Variants in CRYM observed in about 807,000 individuals in gnomAD.
CRYM encodes crystallin mu, also known as ketimine reductase mu-crystallin.
In CRYM, 18 loss-of-function variants were observed where a neutral mutation model predicts 32.9. The observed-to-expected ratio is 0.55, with a 90% CI of 0.38 to 0.81. The LOEUF (loss-of-function observed/expected upper bound fraction) is 0.81. Ranked by LOEUF, CRYM falls within the 30% of genes least tolerant of loss-of-function variation. CRYM has a pLI of 0.00. For missense variants in CRYM, 337 were observed against 393.5 expected, an observed-to-expected ratio of 0.86 and a Z score of 1.21; for synonymous variants, 153 against 152.4, an observed-to-expected ratio of 1.00 and a Z score of -0.03.
rs116297386 is a variant in CRYM, at chr16:21,269,317, A to T, written c.489+473T>A. On this transcript the variant is annotated intron_variant, in intron 4 of 7. Transcript: ENST00000572914. ...AATAACAATAGCATCAAAAATTCCC[A>T]GGGGGAAGCATGAGACGCAGTGGGG... Among the ~76,000 whole-genome samples, 1,072 of 152,134 alleles carry T rather than the reference A, an allele frequency of 7.0e-3. 12 individuals carry two copies. The highest frequency in any genetic ancestry group is 0.025 in the African/African-American group (1,027 of 41,494).
At chr16:21,294,688 C>CTTTT (rs372808041) in intron 1 of CRYM, among the ~76,000 whole-genome samples, 1 of 137,392 alleles carries the variant, frequency 7.3e-6, no homozygotes. Context: ...GATCTCATTC[C>CTTTT]TTTTTTTTTT....
Position 21,266,759 on chromosome 16 carries a change from C to A in CRYM, c.673+795G>T, listed in dbSNP as rs185133612. Among the ~76,000 whole-genome samples, 109 of 152,246 alleles carry A rather than the reference C, an allele frequency of 7.2e-4. No homozygotes were observed. In the East Asian group the frequency reaches 0.021, roughly 29 times the overall value. Reference sequence around the variant, plus strand: ...CTCATACTTGTAATCAGTCGCAGCACTTTGGGAGGCTGAAGTGGGTAGAGT... The same window carrying A: ...CTCATACTTGTAATCAGTCGCAGCAATTTGGGAGGCTGAAGTGGGTAGAGT... On this transcript the variant is annotated intron_variant, in intron 5 of 7. Transcript: ENST00000572914.
chr16:21,299,153 C>T (rs998846338), intron 1 of CRYM, among the ~76,000 whole-genome samples: 13 of 152,096 alleles, frequency 8.5e-5, no homozygotes, highest in African/African-American at 2.9e-4. Context: ...TGTTATTAAT[C>T]TTGTTCTTAT....
chr16:21,284,253 A>G (rs977081955), intron 1 of CRYM: 5 of 152,064 alleles, frequency 3.3e-5, no homozygotes, highest in African/African-American at 1.2e-4. Context: ...GCGTCTCATC[A>G]GTAATGCAGA....
chr16:21,278,282 C>G lies in CRYM; in HGVS notation c.-31G>C, dbSNP rs1378051482. 1.3e-6 allele frequency: 2 copies of G among 1,568,084 alleles called. No individual in the cohort carries two copies. The highest frequency in any genetic ancestry group is 8.6e-7 in the Non-Finnish European group (1 of 1,163,138). ...CACCTGTGCCTTCTAACCTCAGTCT[C>G]CGCACCGCGATCCACGTACCCTCGG... On this transcript the variant is annotated 5_prime_UTR_variant, in exon 1 of 8. Transcript: ENST00000572914.
At chr16:21,279,685 G>A (rs1221174581), upstream of CRYM, among the ~76,000 whole-genome samples, 1 of 152,184 alleles carries the variant, frequency 6.6e-6, no homozygotes, top group African/African-American at 2.4e-5. Context: ...GCAGAGCCTG[G>A]GAGAAGGTCA....
chr16:21,300,286 G>C (rs1960879399), intron 1 of CRYM: 1 of 152,180 alleles, frequency 6.6e-6, no homozygotes, highest in Admixed American at 6.5e-5. Flanking sequence ...GAGTGGGGGA[G>C]TGGAGGAGAG....
intron 7 of CRYM, 25 bp downstream of exon 7, chr16:21,261,229 G>T: frequency 6.3e-7 from 1 of 1,588,900 alleles, no homozygotes; most frequent in African/African-American, 1.3e-5. Flanking sequence ...AGTTGGATTT[G>T]TGCCCAGGGA....
chr16:21,281,231 T>C (rs2093397700), upstream of CRYM, among the ~76,000 whole-genome samples: 1 of 151,390 alleles, frequency 6.6e-6, no homozygotes, highest in African/African-American at 2.4e-5. Context: ...TCTATATAGA[T>C]ATGTATATAT....
intron 1 of CRYM, among the ~76,000 whole-genome samples, chr16:21,287,724 G>A (rs2093409809): frequency 6.6e-6 from 1 of 152,228 alleles, no homozygotes; most frequent in Admixed American, 6.5e-5. Flanking sequence ...ACCCATCGGT[G>A]TGCTGGGAGG....
At chr16:21,266,117 C>T (rs9938449) in intron 5 of CRYM, among the ~76,000 whole-genome samples, 23,692 of 151,964 alleles carry the variant, frequency 0.16, 1,878 homozygotes, top group East Asian at 0.21. Context: ...CTCAGCTACT[C>T]GGCAGGCTGA....
At chr16:21,298,380 A>G (rs1176796602) in intron 1 of CRYM, among the ~76,000 whole-genome samples, 1 of 152,246 alleles carries the variant, frequency 6.6e-6, no homozygotes, top group Non-Finnish European at 1.5e-5. Context: ...TCAAACACTA[A>G]AAACAACCCG....
upstream of CRYM, chr16:21,278,303 C>T: frequency 1.3e-6 from 2 of 1,543,620 alleles, no homozygotes; most frequent in Non-Finnish European, 1.7e-6. Flanking sequence ...TCCACGTACC[C>T]TCGGCTGTGC....
upstream of CRYM, among the ~76,000 whole-genome samples, chr16:21,279,393 A>G (rs2093394204): frequency 6.6e-6 from 1 of 152,206 alleles, no homozygotes; most frequent in Admixed American, 6.5e-5. Flanking sequence ...CTAATCATTA[A>G]GCTACTTTGG....
chr16:21,263,868 T>A (rs995165505), intron 5 of CRYM, among the ~76,000 whole-genome samples: 1 of 152,220 alleles, frequency 6.6e-6, no homozygotes, highest in Admixed American at 6.5e-5. Flanking sequence ...ATTGTTCAGC[T>A]CCAGCTAATC....
intron 5 of CRYM, among the ~76,000 whole-genome samples, chr16:21,262,606 GA>G (rs2093356565): frequency 6.6e-6 from 1 of 152,058 alleles, no homozygotes; most frequent in Non-Finnish European, 1.5e-5. Flanking sequence ...GCAACAGAGT[GA>G]GGCTCCATCT....
rs1334578633 is a variant in CRYM at position 21,275,566 on chromosome 16, T to C, written c.353A>G (p.Lys118Arg). 1 of 1,614,100 alleles carries C rather than the reference T, an allele frequency of 6.2e-7. No individual in the cohort carries two copies. Among genetic ancestry groups the C allele is most frequent in the Non-Finnish European group, 8.5e-7 (1 of 1,179,954 alleles). The change falls in exon 3 of 8, where the codon AAG becomes AGG. Residue 118 changes from lysine (K) to arginine (R), a missense_variant. By Grantham distance (26) the Lys-to-Arg change is conservative. Transcript: ENST00000572914. ...AVMDGNVITA[K>R]RTAAVSAIAT... ...AATGGCAGAAACTGCAGCTGTTCTCTTTGCAGTTATGACATTTCCATCCAT... is the reference window on the plus strand; with the variant it reads ...AATGGCAGAAACTGCAGCTGTTCTCCTTGCAGTTATGACATTTCCATCCAT...
chr16:21,294,079 A>G (rs1039234900), intron 1 of CRYM, among the ~76,000 whole-genome samples: 5 of 152,384 alleles, frequency 3.3e-5, no homozygotes. Context: ...AAAAATTAGC[A>G]GAAACTGTCT....
At chr16:21,262,618 C>CA (rs1487840707) in intron 5 of CRYM, among the ~76,000 whole-genome samples, 2 of 151,864 alleles carry the variant, frequency 1.3e-5, no homozygotes, top group Admixed American at 1.3e-4. Context: ...GGCTCCATCT[C>CA]AAAAAAACAA....
Sources: allele counts gnomAD v4.1 joint callset (sites outside exome capture counted in the v4.1 genomes callset), GRCh38; gene constraint gnomAD v4.1.1; transcripts MANE v1.5; gene names NCBI Gene and HGNC (gene_info 2026-07-23, HGNC 2026-07-21).